The following NACC2 variants were observed in gnomAD, a reference collection of about 807,000 sequenced individuals.
NACC2 encodes the protein nucleus accumbens-associated protein 2.
A neutral mutation model predicts 25.1 loss-of-function variants in NACC2; 8 were observed. The ratio of observed to expected loss-of-function variants is 0.32; its 90% CI spans 0.19 to 0.57. The LOEUF (loss-of-function observed/expected upper bound fraction) is 0.57, where lower values mean the gene tolerates loss of function less well. Among genes scored for constraint, NACC2 ranks in the 20% least tolerant of loss-of-function variants. NACC2 has a pLI of 0.89. For missense variants in NACC2, 644 were observed against 650.2 expected, an observed-to-expected ratio of 0.99 and a Z score of 0.10; for synonymous variants, 435 against 294.7, an observed-to-expected ratio of 1.48 and a Z score of -4.88.
chr9:136,065,262 A>G (rs904493578), intron 1 of NACC2, among the ~76,000 whole-genome samples: 6 of 152,214 alleles, frequency 3.9e-5, no homozygotes, highest in African/African-American at 1.4e-4. Context: ...AGGCAGGAGT[A>G]TCGCTTGAGC....
At chr9:136,042,878 A>G (rs1260822051) in intron 2 of NACC2, among the ~76,000 whole-genome samples, 1 of 151,464 alleles carries the variant, frequency 6.6e-6, no homozygotes, top group East Asian at 1.9e-4. Context: ...ACAAACAGAC[A>G]CACACACAGA....
intron 2 of NACC2, among the ~76,000 whole-genome samples, chr9:136,036,247 G>A (rs1444088983): frequency 2.0e-5 from 3 of 152,168 alleles, no homozygotes; most frequent in Non-Finnish European, 4.4e-5. Context: ...TGTGCCCAAC[G>A]TCATGACTCA....
At chr9:136,087,798 G>T (rs901305343) in intron 1 of NACC2, among the ~76,000 whole-genome samples, 19 of 152,288 alleles carry the variant, frequency 1.2e-4, no homozygotes, top group African/African-American at 4.3e-4. Flanking sequence ...GCCCAGGACG[G>T]CACCGGCAAG....
At chr9:136,068,414 G>A (rs995768839) in intron 1 of NACC2, among the ~76,000 whole-genome samples, 7 of 148,482 alleles carry the variant, frequency 4.7e-5, no homozygotes, top group Admixed American at 1.4e-4. Flanking sequence ...CAGGAGGATC[G>A]CTTGAACCCA....
intron 1 of NACC2, among the ~76,000 whole-genome samples, chr9:136,073,510 G>T (rs1830222297): frequency 6.6e-6 from 1 of 152,128 alleles, no homozygotes; most frequent in Admixed American, 6.6e-5. Flanking sequence ...CGTGGATCCA[G>T]CTGTATCAGA....
chr9:136,053,607 G>A (rs1340141938), intron 1 of NACC2, among the ~76,000 whole-genome samples: 4 of 152,008 alleles, frequency 2.6e-5, no homozygotes, highest in African/African-American at 4.8e-5. Flanking sequence ...GACACAACCC[G>A]GGCAGGGGGG....
intron 2 of NACC2, among the ~76,000 whole-genome samples, chr9:136,046,801 C>T: frequency 6.6e-6 from 1 of 152,234 alleles, no homozygotes; most frequent in Non-Finnish European, 1.5e-5. Flanking sequence ...ACAGACACCG[C>T]ATGGAGACCC....
chr9:136,033,648 CAAA>C (rs558163152), intron 2 of NACC2, among the ~76,000 whole-genome samples: 6 of 71,202 alleles, frequency 8.4e-5, no homozygotes, highest in African/African-American at 1.2e-4. Context: ...GACTCTGTCT[CAAA>C]AAAAAAAAAA....
intron 1 of NACC2, among the ~76,000 whole-genome samples, chr9:136,052,884 C>T (rs1030493214): frequency 2.0e-5 from 3 of 152,348 alleles, no homozygotes; most frequent in East Asian, 1.9e-4. Flanking sequence ...GTGGTGGCCC[C>T]GGGACCCCTC....
At chr9:136,014,356 G>A (rs1404307914) in intron 3 of NACC2, among the ~76,000 whole-genome samples, 1 of 152,140 alleles carries the variant, frequency 6.6e-6, no homozygotes, top group Non-Finnish European at 1.5e-5. Context: ...CCAGGCTGGA[G>A]AGCAGTGGTG....
chr9:136,011,547 C>T lies in NACC2; in HGVS notation c.1733G>A (p.Arg578Lys), dbSNP rs775806391. The change falls in exon 6 of 6, where the codon AGG (arginine) becomes AAG (lysine). Residue 578 changes from arginine (R) to lysine (K), a missense_variant. By Grantham distance (26) the Arg-to-Lys change is conservative. Transcript: ENST00000277554. Reference sequence around the variant, plus strand: ...GGTCCCTGCATAGGTGCCCTCCGGCCTCCGGGCCGCGGCCGCCGGCGTCTG... The same window carrying T: ...GGTCCCTGCATAGGTGCCCTCCGGCTTCCGGGCCGCGGCCGCCGGCGTCTG... ...RPQTPAAAAR[R>K]PEGTYAGTL The T allele has an allele frequency of 4.3e-6, 6 of 1,408,974 alleles. No individual in the cohort carries two copies. In the South Asian group the frequency reaches 8.3e-5, roughly 20 times the overall value. 87.3% of individuals were successfully genotyped at this position (1,408,974 alleles called of 1,614,324 possible).
chr9:136,046,221 G>T (rs1177927935), intron 2 of NACC2, among the ~76,000 whole-genome samples: 2 of 151,808 alleles, frequency 1.3e-5, no homozygotes, highest in Admixed American at 6.6e-5. Flanking sequence ...GCGGAGGCAG[G>T]CATTTCGCAA....
In NACC2 at chr9:136,050,554, G is replaced by A; in HGVS notation, c.-33C>T. ...GGGCAGCGGCGGGGCTGGGCTCTCAGCGCGGGGCGGCCCTAGCGGGGCTCA... is the reference window on the plus strand; with the variant it reads ...GGGCAGCGGCGGGGCTGGGCTCTCAACGCGGGGCGGCCCTAGCGGGGCTCA... On this transcript the variant is annotated 5_prime_UTR_variant, in exon 2 of 6. Transcript: ENST00000277554. The A allele has an allele frequency of 1.3e-6, 1 of 743,720 alleles. No homozygotes were observed. The highest frequency in any genetic ancestry group is 1.4e-5 in the South Asian group (1 of 71,634). 46.1% of individuals were successfully genotyped at this position (743,720 alleles called of 1,614,324 possible). A position where few individuals can be genotyped will look rare whatever the true frequency, so the allele number is the denominator to read the frequency against.
chr9:136,012,099 A>C (rs900913276), intron 5 of NACC2, 75 bp from the exon 6 acceptor site: 1 of 1,438,498 alleles, frequency 7.0e-7, no homozygotes, highest in Non-Finnish European at 9.1e-7. Flanking sequence ...CCACAGAACC[A>C]TGATGCCCTG....
rs546444751 is a variant in NACC2 at position 136,026,277 on chromosome 9, A to G, written c.887-9848T>C. ...AATTGCTTGAACCCAGCGGGGGTGG[A>G]GGTTGCAGTGAACCAAGATGGCACC... is the stretch of plus-strand genomic sequence containing the variant. On this transcript the variant is annotated intron_variant, in intron 2 of 5. Coordinates refer to ENST00000277554, the MANE Select transcript of NACC2 (RefSeq NM_144653.5). 9.7e-4 allele frequency among the ~76,000 whole-genome samples: 125 copies of G among 128,544 alleles called. 2 individuals carry two copies. Among genetic ancestry groups the G allele is most frequent in the Middle Eastern group, 4.5e-3 (1 of 224 alleles). 84.3% of individuals were successfully genotyped at this position (128,544 alleles called of 152,430 possible). A position where few individuals can be genotyped will look rare whatever the true frequency, so the allele number is the denominator to read the frequency against.
intron 1 of NACC2, among the ~76,000 whole-genome samples, chr9:136,076,517 G>A (rs534628993): frequency 9.5e-4 from 145 of 152,286 alleles, no homozygotes; most frequent in African/African-American, 3.1e-3. Flanking sequence ...GAAGCAGAAC[G>A]GAGGTTTCCA....
At chr9:136,039,673 C>T (rs1457941737) in intron 2 of NACC2, among the ~76,000 whole-genome samples, 1 of 151,950 alleles carries the variant, frequency 6.6e-6, no homozygotes, top group Non-Finnish European at 1.5e-5. Flanking sequence ...TGGTTCAATA[C>T]TGGAACACTA....
Position 136,024,882 on chromosome 9 carries a change from C to T in NACC2, c.887-8453G>A, listed in dbSNP as rs185320783. On this transcript the variant is annotated intron_variant, in intron 2 of 5. Coordinates refer to ENST00000277554, the MANE Select transcript of NACC2 (RefSeq NM_144653.5). Reference sequence around the variant, plus strand: ...CAGCTGAGGCGGCAGGGCCTAAAGGCGGCAGTGGCTGACAGAGCCGGGAGC... The same window carrying T: ...CAGCTGAGGCGGCAGGGCCTAAAGGTGGCAGTGGCTGACAGAGCCGGGAGC... Among the ~76,000 whole-genome samples, 255 of 152,292 alleles carry T rather than the reference C, an allele frequency of 1.7e-3. 2 individuals carry two copies. Among genetic ancestry groups the T allele is most frequent in the Non-Finnish European group, 6.2e-4 (42 of 68,026 alleles).
intron 1 of NACC2, among the ~76,000 whole-genome samples, chr9:136,087,245 G>A (rs1362003218): frequency 6.6e-6 from 1 of 152,196 alleles, no homozygotes; most frequent in South Asian, 2.1e-4. Context: ...TGTCAACTCC[G>A]GGCCTGCAGA....
Sources: gnomAD v4.1 joint callset for allele counts (sites outside exome capture counted in the v4.1 genomes callset) on GRCh38, gnomAD v4.1.1 for gene constraint, MANE v1.5 for transcripts, NCBI Gene and HGNC (gene_info 2026-07-23, HGNC 2026-07-21) for gene names.